PATL2: variants seen among roughly 807,000 people sequenced by gnomAD.
PATL2 encodes PAT1 homolog 2, also known as protein PAT1 homolog 2.
PATL2 carries 73 observed loss-of-function variants against 77.0 expected under a neutral mutation model. The observed-to-expected ratio is 0.95, with a 90% CI of 0.78 to 1.15. The LOEUF (loss-of-function observed/expected upper bound fraction) is 1.15, where lower values mean the gene tolerates loss of function less well. PATL2 is among the 50% of genes most tolerant of loss of function. The pLI, the probability that PATL2 is intolerant of heterozygous loss-of-function variation, is 0.00. For missense variants in PATL2, 618 were observed against 655.4 expected, an observed-to-expected ratio of 0.94 and a Z score of 0.62; for synonymous variants, 265 against 257.1, an observed-to-expected ratio of 1.03 and a Z score of -0.29.
chr15:44,675,301 A>C, intron 5 of PATL2, 185 bp downstream of exon 5: 1 of 664,564 alleles, frequency 1.5e-6, no homozygotes, highest in South Asian at 2.1e-5. Context: ...ATCAGAAATG[A>C]AGTGGGAGAC....
At position 44,711,082 on chromosome 15, in the gene PATL2, T is replaced by G. The variant is rs2086851715; in HGVS notation, c.-316A>C. ...TGTAGTTATAAACAGAAGTTCTCCT[T>G]CTGCTAGGTAGCATTCAAAGATCTT... On this transcript the variant is annotated 5_prime_UTR_variant, in exon 1 of 18. Coordinates refer to ENST00000682850, the MANE Select transcript of PATL2 (RefSeq NM_001387263.1). The G allele has an allele frequency of 3.6e-6, 1 of 279,328 alleles. No individual in the cohort carries two copies. Among genetic ancestry groups the G allele is most frequent in the Non-Finnish European group, 7.1e-6 (1 of 141,128 alleles). 17.3% of individuals were successfully genotyped at this position (279,328 alleles called of 1,614,324 possible).
At chr15:44,671,265 G>C (rs892462925) in intron 9 of PATL2, among the ~76,000 whole-genome samples, 4 of 152,162 alleles carry the variant, frequency 2.6e-5, no homozygotes, top group Admixed American at 6.5e-5. Flanking sequence ...GAGGCGGGTG[G>C]ATCACTTGAG....
chr15:44,694,609 C>T (rs1479309777), intron 3 of PATL2, among the ~76,000 whole-genome samples: 1 of 152,190 alleles, frequency 6.6e-6, no homozygotes, highest in Non-Finnish European at 1.5e-5. Flanking sequence ...CCACTTCTTA[C>T]TGAGGACCTC....
intron 3 of PATL2, among the ~76,000 whole-genome samples, chr15:44,688,600 G>A (rs182001338): frequency 1.3e-5 from 2 of 152,218 alleles, no homozygotes; most frequent in Non-Finnish European, 2.9e-5. Context: ...ACAAAAACAA[G>A]CAGTGGGGGA....
intron 3 of PATL2, among the ~76,000 whole-genome samples, chr15:44,691,625 C>A (rs1220104870): frequency 1.3e-5 from 2 of 149,978 alleles, no homozygotes; most frequent in African/African-American, 2.5e-5. Flanking sequence ...AGCACCACTG[C>A]ACTCCAGCCT....
At chr15:44,669,456 AT>A (rs1377847384) in intron 12 of PATL2, 43 bp from the exon 13 acceptor site, 3 of 1,548,940 alleles carry the variant, frequency 1.9e-6, no homozygotes, top group Non-Finnish European at 2.6e-6. Context: ...TTTGGGTAAT[AT>A]CTCATTCTCA....
chr15:44,675,601 T>C lies in PATL2; in HGVS notation c.107A>G (p.Glu36Gly). ...LEKEEENEGE[E>G]EEEEEDEEDL... ...CTCCTCGTCCTCCTCCTCTTCCTCC[T>C]CCTCCCCTTCATTCTCTTCTTCTTT... The change falls in exon 5 of 18, where the codon GAG (glutamate) becomes GGG (glycine). Residue 36 changes from glutamate (E) to glycine (G), a missense_variant. Physicochemically the swap from Glu to Gly is moderately conservative, Grantham distance 98. Coordinates refer to ENST00000682850, the MANE Select transcript of PATL2 (RefSeq NM_001387263.1). 1 of 1,551,142 alleles carries C rather than the reference T, an allele frequency of 6.4e-7. No individual in the cohort carries two copies. The highest frequency in any genetic ancestry group is 8.7e-7 in the Non-Finnish European group (1 of 1,146,902).
intron 7 of PATL2, among the ~76,000 whole-genome samples, chr15:44,672,681 C>G (rs2085749180): frequency 6.6e-6 from 1 of 152,204 alleles, no homozygotes; most frequent in Non-Finnish European, 1.5e-5. Context: ...AATCTTGGAA[C>G]AGTAGAAAAC....
Position 44,674,172 on chromosome 15 carries a change from G to C in PATL2, c.281C>G (p.Ala94Gly), listed in dbSNP as rs1371013241. The C allele has an allele frequency of 6.5e-7, 1 of 1,550,320 alleles. No individual in the cohort carries two copies. Among genetic ancestry groups the C allele is most frequent in the Non-Finnish European group, 8.7e-7 (1 of 1,145,878 alleles). Residue 94 changes from alanine to glycine, a missense_variant, in exon 6 of 18, where the codon GCC (alanine) becomes GGC (glycine). Transcript: ENST00000682850. ...KAPGMLGMSL[A>G]SLHFLWQTLD... ...CACCTGCCACAGAAAATGCAAGGAGGCAAGTGACATTCCCAGCATACCAGG... is the reference window on the plus strand; with the variant it reads ...CACCTGCCACAGAAAATGCAAGGAGCCAAGTGACATTCCCAGCATACCAGG...
intron 5 of PATL2, chr15:44,675,106 A>T (rs977482765): frequency 4.9e-6 from 1 of 205,376 alleles, no homozygotes; most frequent in Non-Finnish European, 9.9e-6. Flanking sequence ...CCTCATATCT[A>T]CATAGGAGTC....
chr15:44,672,214 G>C, intron 8 of PATL2, 58 bp from the exon 9 acceptor site: 1 of 1,550,872 alleles, frequency 6.4e-7, no homozygotes, highest in Non-Finnish European at 8.7e-7. Context: ...TTCCTAAGGA[G>C]TGTGGTGAGC....
intron 3 of PATL2, among the ~76,000 whole-genome samples, chr15:44,709,361 C>T (rs1388359462): frequency 6.6e-6 from 1 of 152,008 alleles, no homozygotes; most frequent in African/African-American, 2.4e-5. Flanking sequence ...CTGTTAATTG[C>T]ACTACTGGGA....
intron 3 of PATL2, among the ~76,000 whole-genome samples, chr15:44,690,340 AT>A (rs71762204): frequency 0.097 from 13,694 of 141,460 alleles, 1,021 homozygotes; most frequent in African/African-American, 0.19. Context: ...AAGTCAAAAT[AT>A]TTTTTTTTTT....
At chr15:44,672,488 A>C in intron 7 of PATL2, 32 bp from the exon 8 acceptor site, 1 of 1,536,106 alleles carries the variant, frequency 6.5e-7, no homozygotes, top group Non-Finnish European at 8.8e-7. Flanking sequence ...AGCTGGGTGG[A>C]AGGAAGCTCT....
intron 3 of PATL2, among the ~76,000 whole-genome samples, chr15:44,681,662 T>C (rs986172540): frequency 5.9e-5 from 9 of 152,218 alleles, no homozygotes; most frequent in Non-Finnish European, 1.2e-4. Context: ...CTGTAGCTTT[T>C]ATCACATCCT....
intron 3 of PATL2, among the ~76,000 whole-genome samples, chr15:44,704,155 ATTTTTTTT>A (rs374729545): frequency 7.5e-6 from 1 of 134,060 alleles, no homozygotes; most frequent in East Asian, 2.1e-4. Flanking sequence ...TGTCTGGCTA[ATTTTTTTT>A]TTTTTTTTTT....
chr15:44,670,851 C>T (rs2085637491), intron 9 of PATL2, among the ~76,000 whole-genome samples: 1 of 152,218 alleles, frequency 6.6e-6, no homozygotes, highest in South Asian at 2.1e-4. Flanking sequence ...TGAAGGCCAT[C>T]CAGAGGTTTA....
At chr15:44,666,689 G>A (rs1266889588) in intron 16 of PATL2, 148 bp from the exon 17 acceptor site, 9 of 794,542 alleles carry the variant, frequency 1.1e-5, no homozygotes, top group East Asian at 5.5e-5. Flanking sequence ...TGTTTGGTAC[G>A]TGCCAAGCAA....
chr15:44,682,266 A>G (rs757391275), intron 3 of PATL2, among the ~76,000 whole-genome samples: 7 of 152,252 alleles, frequency 4.6e-5, no homozygotes, highest in Non-Finnish European at 1.0e-4. Context: ...AACTCGGCCC[A>G]GGATTCATCT....
Sources: allele counts gnomAD v4.1 joint callset (sites outside exome capture counted in the v4.1 genomes callset), GRCh38; gene constraint gnomAD v4.1.1; transcripts MANE v1.5; gene names NCBI Gene and HGNC (gene_info 2026-07-23, HGNC 2026-07-21).